The following LRRC53 variants were observed in gnomAD, a reference collection of about 807,000 sequenced individuals.
LRRC53 encodes leucine rich repeat containing 53.
A neutral mutation model predicts 13.6 loss-of-function variants in LRRC53; 25 were observed. The observed-to-expected ratio is 1.83, with a 90% CI of 1.34 to 2.56. LRRC53 has a LOEUF of 2.56. Ranked by LOEUF, LRRC53 falls within the 30% of genes most tolerant of loss-of-function variation. The probability of loss-of-function intolerance (pLI) is 0.00; values close to 1 mark genes in which losing one functional copy is unlikely to be tolerated. For synonymous variants in LRRC53, 204 were observed against 109.8 expected (o/e 1.86, Z -5.37); for missense variants, 527 against 275.8 (o/e 1.91, Z -6.45).
the LRRC53 span, among the ~76,000 whole-genome samples, chr1:74,532,623 C>A: frequency 1.3e-5 from 2 of 151,780 alleles, no homozygotes; most frequent in South Asian, 4.2e-4. Flanking sequence ...TATCCCTCCC[C>A]CCTCGCCCCA....
intron 3 of LRRC53, 128 bp downstream of exon 3, chr1:74,480,025 C>T: frequency 1.6e-6 from 1 of 607,784 alleles, no homozygotes; most frequent in Non-Finnish European, 2.9e-6. Flanking sequence ...TATCCTCCCA[C>T]ATCTACTGGC....
the LRRC53 span, among the ~76,000 whole-genome samples, chr1:74,530,690 C>A: frequency 6.6e-6 from 1 of 151,142 alleles, no homozygotes; most frequent in African/African-American, 2.4e-5. Context: ...AGGAGTGGGC[C>A]TTATCACTGT....
rs202033155 is a variant in LRRC53 at position 74,472,160 on chromosome 1, C to T, written c.1462G>A (p.Ala488Thr). The change falls in exon 5 of 5, where the codon GCT becomes ACT. Residue 488 changes from alanine to threonine, a missense_variant. Coordinates refer to ENST00000294635, the MANE Select transcript of LRRC53 (RefSeq NM_001382280.1). ...AGACTTTCTCCTGCCAAGGCTGAAG[C>T]GGGTGTTGCATATCTTCTTCTAAAT... is the stretch of plus-strand genomic sequence containing the variant. ...DIFRRRYATPASALAGESLEK... is the reference protein window; with the variant it reads ...DIFRRRYATPTSALAGESLEK... 6 of 716,860 alleles carry T rather than the reference C, an allele frequency of 8.4e-6. No individual in the cohort carries two copies. The highest frequency in any genetic ancestry group is 1.5e-5 in the South Asian group (1 of 67,588). 44.4% of individuals were successfully genotyped at this position (716,860 alleles called of 1,614,324 possible).
chr1:74,479,366 A>G (rs1025442652), intron 3 of LRRC53, among the ~76,000 whole-genome samples: 4 of 152,224 alleles, frequency 2.6e-5, no homozygotes, highest in Admixed American at 1.3e-4. Flanking sequence ...CATAAATTTT[A>G]AATTACAAAA....
upstream of LRRC53, among the ~76,000 whole-genome samples, chr1:74,516,915 T>C (rs1227703525): frequency 6.6e-6 from 1 of 152,170 alleles, no homozygotes; most frequent in Non-Finnish European, 1.5e-5. Context: ...AACTACATGA[T>C]AGACAGTATT....
At position 74,489,172 on chromosome 1, in the gene LRRC53, C is replaced by T. The variant is rs201140407; in HGVS notation, c.-26-5797G>A. The T allele has an allele frequency of 7.9e-5, 126 of 1,601,698 alleles. No homozygotes were observed. The highest frequency in any genetic ancestry group is 1.0e-4 in the Non-Finnish European group (121 of 1,175,724). ...CTTTTATTCTTAAGGGAAAAAAGTT[C>T]TTTTTTCTATTTACAGGGAAGACCC... On this transcript the variant is annotated intron_variant, in intron 1 of 4. Coordinates refer to ENST00000294635, the MANE Select transcript of LRRC53 (RefSeq NM_001382280.1).
intron 1 of LRRC53, among the ~76,000 whole-genome samples, chr1:74,511,138 T>A (rs1670194976): frequency 6.6e-6 from 1 of 151,580 alleles, no homozygotes; most frequent in Admixed American, 6.6e-5. Context: ...AGGTGATCCA[T>A]CCGCCTTGGC....
In LRRC53 at chr1:74,483,290, G is replaced by C. The variant is rs1159306380; in HGVS notation, c.60C>G (p.Thr20=). 1.4e-6 allele frequency: 1 copy of C among 717,306 alleles called. No homozygotes were observed. The highest frequency in any genetic ancestry group is 2.6e-6 in the Non-Finnish European group (1 of 384,990). 44.4% of individuals were successfully genotyped at this position (717,306 alleles called of 1,614,324 possible). A position where few individuals can be genotyped will look rare whatever the true frequency, so the allele number is the denominator to read the frequency against. ...CTATATAGGTTAGCTGGTGACAGAG[G>C]GTTACATCTTTGGTGCACACCACAC... is the stretch of plus-strand genomic sequence containing the variant. The part of the protein sequence containing the change: ...ESCVVCTKDV[T]LCHQLTYIVA... The change falls in exon 2 of 5, where the codon ACC becomes ACG. Residue 20 remains threonine (T), a synonymous_variant. Coordinates refer to ENST00000294635, the MANE Select transcript of LRRC53 (RefSeq NM_001382280.1).
chr1:74,526,529 A>G, the LRRC53 span, among the ~76,000 whole-genome samples: 7 of 152,216 alleles, frequency 4.6e-5, no homozygotes, highest in Non-Finnish European at 8.8e-5. Context: ...TTTCTCAGCT[A>G]TAGGATGAAA....
At position 74,471,433 on chromosome 1, in the gene LRRC53, T is replaced by A. The variant is rs1410818530; in HGVS notation, c.2189A>T (p.His730Leu). ...GAGACTTGACAAGGATTTTTCTGGATGGACTCTGACTTTTCTAAAAGGATG... is the reference window on the plus strand; with the variant it reads ...GAGACTTGACAAGGATTTTTCTGGAAGGACTCTGACTTTTCTAAAAGGATG... ...NLHPFRKVRV[H>L]PEKSLSSLPK... Residue 730 changes from histidine (H) to leucine (L), a missense_variant, in exon 5 of 5, where the codon CAT becomes CTT. Physicochemically the swap from His to Leu is moderately conservative, Grantham distance 99. Transcript: ENST00000294635. 2.5e-6 allele frequency: 1 copy of A among 400,604 alleles called. No individual in the cohort carries two copies. Among genetic ancestry groups the A allele is most frequent in the East Asian group, 3.6e-5 (1 of 28,094 alleles). The allele number at this position is 400,604 out of a possible 1,614,324, so 24.8% of individuals were successfully genotyped here. A position where few individuals can be genotyped will look rare whatever the true frequency, so the allele number is the denominator to read the frequency against.
At chr1:74,496,982 A>G (rs1669358617) in intron 1 of LRRC53, among the ~76,000 whole-genome samples, 1 of 152,198 alleles carries the variant, frequency 6.6e-6, no homozygotes. Context: ...CAGAAGAAGA[A>G]AACCAGGGAT....
chr1:74,535,831 C>T, the LRRC53 span, among the ~76,000 whole-genome samples: 1 of 152,136 alleles, frequency 6.6e-6, no homozygotes, highest in African/African-American at 2.4e-5. Flanking sequence ...TCTAACCACT[C>T]GTCATCTGGA....
Position 74,480,609 on chromosome 1 carries a change from A to AGGC in LRRC53, c.447_448insGCC (p.Ser149_Ser150insAla). 1.4e-6 allele frequency: 1 copy of AGGC among 717,274 alleles called. No individual in the cohort carries two copies. Among genetic ancestry groups the AGGC allele is most frequent in the East Asian group, 2.7e-5 (1 of 37,280 alleles). The allele number at this position is 717,274 out of a possible 1,614,324, so 44.4% of individuals were successfully genotyped here. A position where few individuals can be genotyped will look rare whatever the true frequency, so the allele number is the denominator to read the frequency against. On this transcript the variant is annotated inframe_insertion, in exon 3 of 5. Coordinates refer to ENST00000294635, the MANE Select transcript of LRRC53 (RefSeq NM_001382280.1). ...CTGTGGAGATTCGTGCCTCCGAAAG[A>AGGC]ACTGTCTGTGAGATTAGTAATCTGA...
intron 1 of LRRC53, among the ~76,000 whole-genome samples, chr1:74,485,605 A>G (rs891142937): frequency 4.6e-5 from 7 of 152,184 alleles, no homozygotes; most frequent in Non-Finnish European, 7.3e-5. Context: ...TATTACTCCC[A>G]TGATTATGTT....
At chr1:74,525,544 C>A in the LRRC53 span, among the ~76,000 whole-genome samples, 1 of 152,154 alleles carries the variant, frequency 6.6e-6, no homozygotes, top group East Asian at 1.9e-4. Context: ...TCAGTTCAAC[C>A]AAATTTATTT....
Position 74,491,117 on chromosome 1 carries a change from G to A in LRRC53, c.-26-7742C>T, listed in dbSNP as rs1217148754. On this transcript the variant is annotated intron_variant, in intron 1 of 4. Transcript: ENST00000294635. ...TACACATTTTAGAAGAGAGAGATTT[G>A]AGTGGTGAATAAGCTGAAAATCACG... Among the ~76,000 whole-genome samples, 12 of 152,222 alleles carry A rather than the reference G, an allele frequency of 7.9e-5. 1 individual carries two copies. Among genetic ancestry groups the A allele is most frequent in the Admixed American group, 7.8e-4 (12 of 15,290 alleles).
intron 1 of LRRC53, among the ~76,000 whole-genome samples, chr1:74,497,130 A>T (rs1669368874): frequency 6.6e-6 from 1 of 152,206 alleles, no homozygotes; most frequent in African/African-American, 2.4e-5. Context: ...AATATAACTT[A>T]TAAAATTTTA....
At chr1:74,479,899 C>A (rs564198082) in intron 3 of LRRC53, among the ~76,000 whole-genome samples, 1 of 152,332 alleles carries the variant, frequency 6.6e-6, no homozygotes, top group African/African-American at 2.4e-5. Flanking sequence ...TTCAAGGTCA[C>A]CAATGCTATT....
At chr1:74,490,994 T>C (rs1669041731) in intron 1 of LRRC53, among the ~76,000 whole-genome samples, 1 of 152,216 alleles carries the variant, frequency 6.6e-6, no homozygotes, top group Non-Finnish European at 1.5e-5. Flanking sequence ...GTGACTGTCT[T>C]GCTGCAAAAT....
Sources: gnomAD v4.1 joint callset for allele counts (sites outside exome capture counted in the v4.1 genomes callset) on GRCh38, gnomAD v4.1.1 for gene constraint, MANE v1.5 for transcripts, NCBI Gene and HGNC (gene_info 2026-07-23, HGNC 2026-07-21) for gene names.